Variants in ITGA8 observed in about 807,000 individuals in gnomAD.
ITGA8 encodes the protein integrin alpha-8.
In ITGA8, 91 loss-of-function variants were observed where a neutral mutation model predicts 142.3. The ratio of observed to expected loss-of-function variants is 0.64; its 90% confidence interval spans 0.54 to 0.76. The LOEUF is 0.76. Among genes scored for constraint, ITGA8 ranks in the 30% least tolerant of loss-of-function variants. ITGA8 has a pLI of 0.00. For synonymous variants in ITGA8, 505 were observed against 485.2 expected, an observed-to-expected ratio of 1.04 and a Z score of -0.54; for missense variants, 1,406 against 1,327.7, an observed-to-expected ratio of 1.06 and a Z score of -0.92.
chr10:15,612,631 A>G (rs1833319302), intron 15 of ITGA8, among the ~76,000 whole-genome samples: 1 of 152,218 alleles, frequency 6.6e-6, no homozygotes, highest in East Asian at 1.9e-4. Context: ...TTCAGAAGGA[A>G]CACTTTCAGG....
chr10:15,696,678 C>A (rs1292735150), intron 2 of ITGA8, among the ~76,000 whole-genome samples: 3 of 151,876 alleles, frequency 2.0e-5, no homozygotes, highest in African/African-American at 7.3e-5. Context: ...TCCTTCTGAT[C>A]AAAAAATTGT....
intron 10 of ITGA8, among the ~76,000 whole-genome samples, chr10:15,658,447 C>G (rs1834226592): frequency 6.6e-6 from 1 of 152,154 alleles, no homozygotes; most frequent in African/African-American, 2.4e-5. Context: ...TGAGTAGCCC[C>G]TGTCCCCTCC....
At chr10:15,630,058 G>A (rs759826086) in intron 13 of ITGA8, among the ~76,000 whole-genome samples, 1 of 152,044 alleles carries the variant, frequency 6.6e-6, no homozygotes, top group South Asian at 2.1e-4. Flanking sequence ...CATTTTTCTC[G>A]ATTGACACTG....
At chr10:15,614,191 A>C (rs1376358290) in intron 14 of ITGA8, among the ~76,000 whole-genome samples, 1 of 152,214 alleles carries the variant, frequency 6.6e-6, no homozygotes, top group Admixed American at 6.5e-5. Context: ...CTTTTCATTG[A>C]TAATTTTAAT....
chr10:15,684,034 C>G lies in ITGA8; in HGVS notation c.538G>C (p.Ala180Pro), dbSNP rs755500317. Reference protein sequence around the residue: ...TCYVAIQNFSAYAEFSPCRNS... With the variant: ...TCYVAIQNFSPYAEFSPCRNS... ...CGGCAAGGAGAGAACTCGGCATAGG[C>G]GCTGAAGTTCTGAATTGCTACATAG... The change falls in exon 4 of 30, where the codon GCC (alanine) becomes CCC (proline). Residue 180 changes from alanine to proline, a missense_variant. By Grantham distance (27) the Ala-to-Pro change is conservative. Transcript: ENST00000378076. The G allele has an allele frequency of 3.7e-6, 6 of 1,614,132 alleles. No homozygotes were observed. Among genetic ancestry groups the G allele is most frequent in the Middle Eastern group, 1.6e-4 (1 of 6,062 alleles).
intron 12 of ITGA8, among the ~76,000 whole-genome samples, chr10:15,645,362 T>A (rs920953576): frequency 3.9e-5 from 6 of 152,046 alleles, no homozygotes; most frequent in Non-Finnish European, 7.4e-5. Context: ...TTAAAAATAC[T>A]ATTAAAGGTT....
chr10:15,642,495 T>TCAC (rs1421199948), intron 13 of ITGA8, among the ~76,000 whole-genome samples: 1 of 152,208 alleles, frequency 6.6e-6, no homozygotes, highest in East Asian at 1.9e-4. Flanking sequence ...ATTTCATTAA[T>TCAC]CACCCTGACA....
chr10:15,569,077 C>T (rs931688259), intron 25 of ITGA8, among the ~76,000 whole-genome samples: 1 of 152,106 alleles, frequency 6.6e-6, no homozygotes, highest in African/African-American at 2.4e-5. Context: ...AAGAAGAGAG[C>T]ATTTTTCCAG....
chr10:15,608,252 C>T lies in ITGA8; in HGVS notation c.1592G>A (p.Ser531Asn), dbSNP rs368875250. 17 of 1,597,950 alleles carry T rather than the reference C, an allele frequency of 1.1e-5. No homozygotes were observed. The African/African-American group carries it at 2.2e-4, about 20-fold the overall frequency. The change falls in exon 16 of 30, where the codon AGC becomes AAC. Residue 531 changes from serine to asparagine, a missense_variant. Coordinates refer to ENST00000378076, the MANE Select transcript of ITGA8 (RefSeq NM_003638.3). ...ATGCTTACCTATTGTGTTTGCAATG[C>T]TCTGGCCTGTGACAGATGCACATAC... is the stretch of plus-strand genomic sequence containing the variant. ...LRVCASVTGQ[S>N]IANTIVLMAE... is the part of the protein sequence containing the mutation.
In ITGA8 at chr10:15,549,642, C is replaced by A. The variant is rs9333217; in HGVS notation, c.2767-1074G>T. ...TCATGGGTTTAAATTTATCTTGTGGCCCATGCGTATTCATTTTTCATATCT... is the reference window on the plus strand; with the variant it reads ...TCATGGGTTTAAATTTATCTTGTGGACCATGCGTATTCATTTTTCATATCT... On this transcript the variant is annotated intron_variant, in intron 26 of 29. Coordinates refer to ENST00000378076, the MANE Select transcript of ITGA8 (RefSeq NM_003638.3). Among the ~76,000 whole-genome samples the A allele has an allele frequency of 7.1e-3, 1,086 of 152,226 alleles. 8 individuals carry two copies. Among genetic ancestry groups the A allele is most frequent in the African/African-American group, 0.024 (1,016 of 41,518 alleles).
intron 2 of ITGA8, among the ~76,000 whole-genome samples, chr10:15,696,270 C>T (rs1191350723): frequency 1.3e-5 from 2 of 152,156 alleles, no homozygotes; most frequent in African/African-American, 4.8e-5. Flanking sequence ...AAGGCAAAAG[C>T]TCAGAAAAGC....
intron 27 of ITGA8, among the ~76,000 whole-genome samples, chr10:15,535,018 T>A (rs1833394175): frequency 6.6e-6 from 1 of 152,070 alleles, no homozygotes; most frequent in South Asian, 2.1e-4. Flanking sequence ...CTGCGTGCGG[T>A]GCTTGCGGGC....
chr10:15,686,592 G>A (rs911347358), intron 3 of ITGA8, among the ~76,000 whole-genome samples: 13 of 152,252 alleles, frequency 8.5e-5, no homozygotes, highest in Non-Finnish European at 1.9e-4. Context: ...ACCCAAACCC[G>A]CTATGTATAC....
intron 13 of ITGA8, among the ~76,000 whole-genome samples, chr10:15,621,472 G>A (rs910180092): frequency 3.3e-5 from 5 of 152,152 alleles, no homozygotes; most frequent in Admixed American, 1.3e-4. Context: ...ATTTTTAAAT[G>A]AGGAAGAAAA....
intron 9 of ITGA8, among the ~76,000 whole-genome samples, chr10:15,659,621 TCATATCTACC>T (rs1834248400): frequency 6.6e-6 from 1 of 152,218 alleles, no homozygotes. Flanking sequence ...CCCCAAAATT[TCATATCTACC>T]CAGAACATCA....
At chr10:15,613,419 T>C (rs1473847663) in intron 15 of ITGA8, among the ~76,000 whole-genome samples, 1 of 152,166 alleles carries the variant, frequency 6.6e-6, no homozygotes, top group Non-Finnish European at 1.5e-5. Context: ...GAAGTAGCCT[T>C]TGAATGGTAA....
At position 15,531,098 on chromosome 10, in the gene ITGA8, C is replaced by A; in HGVS notation, c.2934G>T (p.Lys978Asn). The stretch of plus-strand genomic sequence containing the variant: ...TTGCTGGCTGATCTGTATAAGGCAT[C>A]TTCTTAACTTCAAAGGACACCAGGG... ...LASLVSFEVK[K>N]MPYTDQPAKL... Residue 978 changes from lysine to asparagine, a missense_variant, in exon 28 of 30, where the codon AAG (lysine) becomes AAT (asparagine). Coordinates refer to ENST00000378076, the MANE Select transcript of ITGA8 (RefSeq NM_003638.3). 5 of 1,582,246 alleles carry A rather than the reference C, an allele frequency of 3.2e-6. No homozygotes were observed. Among genetic ancestry groups the A allele is most frequent in the Non-Finnish European group, 4.3e-6 (5 of 1,168,188 alleles).
intron 27 of ITGA8, among the ~76,000 whole-genome samples, chr10:15,546,739 AAAGAAAAGG>A (rs1342976911): frequency 6.6e-6 from 1 of 151,986 alleles, no homozygotes; most frequent in East Asian, 1.9e-4. Flanking sequence ...AAGATGAAAG[AAAGAAAAGG>A]AAGAAAAGAG....
intron 8 of ITGA8, among the ~76,000 whole-genome samples, chr10:15,664,938 C>T (rs536937597): frequency 6.6e-6 from 1 of 152,118 alleles, no homozygotes; most frequent in South Asian, 2.1e-4. Flanking sequence ...AGGTTAGTTC[C>T]AAGTCTTTGC....
Sources: allele counts gnomAD v4.1 joint callset (sites outside exome capture counted in the v4.1 genomes callset), GRCh38; gene constraint gnomAD v4.1.1; transcripts MANE v1.5; gene names NCBI Gene and HGNC (gene_info 2026-07-23, HGNC 2026-07-21).